The following BCAS3 variants were observed in gnomAD, a reference collection of about 807,000 sequenced individuals.
BCAS3 encodes the protein BCAS3 microtubule associated cell migration factor.
In BCAS3, 53 loss-of-function variants were observed where a neutral mutation model predicts 116.1. The ratio of observed to expected loss-of-function variants is 0.46; its 90% CI spans 0.37 to 0.57. The LOEUF is 0.57. Ranked by LOEUF, BCAS3 falls within the 20% of genes least tolerant of loss-of-function variation. BCAS3 has a pLI of 0.00. For missense variants in BCAS3, 917 were observed against 1,165.4 expected, an observed-to-expected ratio of 0.79 and a Z score of 3.10; for synonymous variants, 391 against 408.2, an observed-to-expected ratio of 0.96 and a Z score of 0.51.
chr17:60,736,328 C>T (rs980523540), intron 5 of BCAS3, among the ~76,000 whole-genome samples: 3 of 151,490 alleles, frequency 2.0e-5, no homozygotes, highest in East Asian at 3.9e-4. Context: ...TTCTTACAGG[C>T]GTGTACCACC....
chr17:61,057,583 C>T (rs2069516460), intron 19 of BCAS3, among the ~76,000 whole-genome samples: 1 of 152,056 alleles, frequency 6.6e-6, no homozygotes, highest in Non-Finnish European at 1.5e-5. Context: ...GTAACTTGTC[C>T]AGAAACTCAT....
At chr17:61,194,265 A>G (rs943473600) in intron 22 of BCAS3, among the ~76,000 whole-genome samples, 1 of 152,222 alleles carries the variant, frequency 6.6e-6, no homozygotes, top group Non-Finnish European at 1.5e-5. Context: ...CACTATTACA[A>G]ATGCGAGACA....
chr17:60,921,091 C>T (rs984575812), intron 12 of BCAS3, among the ~76,000 whole-genome samples: 1 of 152,060 alleles, frequency 6.6e-6, no homozygotes, highest in East Asian at 1.9e-4. Context: ...AAATAAATGG[C>T]TCTACCAAAA....
chr17:60,821,921 C>G (rs111787933), intron 7 of BCAS3: 6 of 152,294 alleles, frequency 3.9e-5, no homozygotes, highest in African/African-American at 1.4e-4. Context: ...TGTAATCCAC[C>G]TGCTTTGGCC....
chr17:61,329,415 ACT>A (rs2056051324), intron 22 of BCAS3, among the ~76,000 whole-genome samples: 1 of 146,500 alleles, frequency 6.8e-6, no homozygotes, highest in South Asian at 2.1e-4. Context: ...ATCTCGGCTC[ACT>A]GCAAGCTCCG....
chr17:61,298,471 G>GTA (rs1184701580), intron 22 of BCAS3, among the ~76,000 whole-genome samples: 2 of 152,202 alleles, frequency 1.3e-5, no homozygotes, highest in Non-Finnish European at 2.9e-5. Context: ...TTTGGCTCTA[G>GTA]TATGTGGAAA....
At chr17:60,842,770 A>G (rs2052075726) in intron 7 of BCAS3, among the ~76,000 whole-genome samples, 1 of 152,092 alleles carries the variant, frequency 6.6e-6, no homozygotes, top group Non-Finnish European at 1.5e-5. Context: ...TTGTACTGAA[A>G]ATGAATTCCT....
At chr17:60,951,875 G>A (rs1368333065) in intron 14 of BCAS3, among the ~76,000 whole-genome samples, 1 of 147,036 alleles carries the variant, frequency 6.8e-6, no homozygotes, top group Non-Finnish European at 1.5e-5. Flanking sequence ...GGTTCAAACA[G>A]TTCTCCTGCC....
In BCAS3 at chr17:61,388,676, C is replaced by CAGT. The variant is rs1246117890; in HGVS notation, c.2594-3299_2594-3297dup. 1 of 1,549,768 alleles carries CAGT rather than the reference C, an allele frequency of 6.5e-7. No individual in the cohort carries two copies. Among genetic ancestry groups the CAGT allele is most frequent in the Non-Finnish European group, 8.7e-7 (1 of 1,155,474 alleles). On this transcript the variant is annotated intron_variant, in intron 23 of 23. Transcript: ENST00000407086. The surrounding 1 kb of genome is among the most constrained non-coding windows in gnomAD (Gnocchi z 6.5). Reference sequence around the variant, plus strand: ...AGCCCAGCGTCCGTGAGCAACCCAACAGTAACAAAGCATGCGTTCGGGATG... The same window carrying CAGT: ...AGCCCAGCGTCCGTGAGCAACCCAACAGTAGTAACAAAGCATGCGTTCGGGATG...
At chr17:61,138,917 A>T (rs192624647) in intron 22 of BCAS3, among the ~76,000 whole-genome samples, 279 of 152,290 alleles carry the variant, frequency 1.8e-3, no homozygotes, top group Non-Finnish European at 3.6e-3. Flanking sequence ...ATAAGTTGAT[A>T]GGTTTTCATC....
At chr17:60,714,159 A>G (rs1434622652) in intron 5 of BCAS3, among the ~76,000 whole-genome samples, 1 of 151,904 alleles carries the variant, frequency 6.6e-6, no homozygotes, top group Non-Finnish European at 1.5e-5. Context: ...ATAGAGATGA[A>G]ATCTCACTAT....
At chr17:60,784,497 G>T (rs2046115788) in intron 6 of BCAS3, among the ~76,000 whole-genome samples, 1 of 151,388 alleles carries the variant, frequency 6.6e-6, no homozygotes, top group African/African-American at 2.4e-5. Flanking sequence ...TAGAGACGGG[G>T]TTTTACCATG....
intron 6 of BCAS3, among the ~76,000 whole-genome samples, chr17:60,799,708 C>CTTTTTTT (rs67510415): frequency 0.011 from 536 of 49,830 alleles, 24 homozygotes; most frequent in African/African-American, 0.013. Context: ...TTTTTCTTTT[C>CTTTTTTT]TTTTTTTTTT....
intron 3 of BCAS3, among the ~76,000 whole-genome samples, chr17:60,684,245 T>C (rs920669174): frequency 2.0e-5 from 3 of 152,230 alleles, no homozygotes; most frequent in East Asian, 1.9e-4. Context: ...CTTAGGACTT[T>C]GCCTTCCTAA....
intron 22 of BCAS3, chr17:61,353,675 T>G (rs778353324): frequency 6.6e-6 from 1 of 152,196 alleles, no homozygotes; most frequent in Non-Finnish European, 1.5e-5. Flanking sequence ...TTATTATCAT[T>G]GTTAAGACGT....
At chr17:61,074,508 A>G (rs899979808) in intron 19 of BCAS3, among the ~76,000 whole-genome samples, 2 of 152,208 alleles carry the variant, frequency 1.3e-5, no homozygotes, top group African/African-American at 4.8e-5. Flanking sequence ...CTCTGGATAA[A>G]TGAATTTTTT....
chr17:61,381,191 G>A lies in BCAS3; in HGVS notation c.2594-10786G>A, dbSNP rs977860595. ...TGACAGAACAAATGCACTTCCACCCGACAGGCAAATCGATATCTTAATACA... is the reference window on the plus strand; with the variant it reads ...TGACAGAACAAATGCACTTCCACCCAACAGGCAAATCGATATCTTAATACA... On this transcript the variant is annotated intron_variant, in intron 23 of 23. Coordinates refer to ENST00000407086, the MANE Select transcript of BCAS3 (RefSeq NM_017679.5). This position sits in a 1 kb window ranked among gnomAD's most constrained non-coding sequence, Gnocchi z 6.0. 1.3e-5 allele frequency among the ~76,000 whole-genome samples: 2 copies of A among 152,164 alleles called. No individual in the cohort carries two copies. Among genetic ancestry groups the A allele is most frequent in the South Asian group, 2.1e-4 (1 of 4,822 alleles).
intron 6 of BCAS3, among the ~76,000 whole-genome samples, chr17:60,777,888 C>T (rs1038105739): frequency 2.0e-5 from 3 of 152,172 alleles, no homozygotes; most frequent in African/African-American, 7.2e-5. Flanking sequence ...TTCTTAGTTA[C>T]TACCTTTCAG....
Position 61,313,852 on chromosome 17 carries a change from C to T in BCAS3, c.2426-54475C>T, listed in dbSNP as rs114829704. Among the ~76,000 whole-genome samples the T allele has an allele frequency of 4.8e-3, 733 of 152,294 alleles. 5 individuals carry two copies. The highest frequency in any genetic ancestry group is 0.017 in the African/African-American group (700 of 41,546). The stretch of plus-strand genomic sequence containing the variant: ...TCAAGCAAGAGATGTTTCAATGCCG[C>T]GGAGCCAGTGACCACACGTGGGCCT... On this transcript the variant is annotated intron_variant, in intron 22 of 23. Transcript: ENST00000407086. This position sits in a 1 kb window ranked among gnomAD's most constrained non-coding sequence, Gnocchi z 4.3.
Sources: allele counts gnomAD v4.1 joint callset (sites outside exome capture counted in the v4.1 genomes callset), GRCh38; gene constraint gnomAD v4.1.1; non-coding constraint Gnocchi (gnomAD v3.1); transcripts MANE v1.5; gene names NCBI Gene and HGNC (gene_info 2026-07-23, HGNC 2026-07-21).